NSMCE1: variants seen among roughly 807,000 people sequenced by gnomAD.
NSMCE1 encodes non-structural maintenance of chromosomes element 1 homolog.
NSMCE1 carries 18 observed loss-of-function variants against 29.6 expected under a neutral mutation model. The observed-to-expected ratio is 0.61, with a 90% CI of 0.42 to 0.90. The LOEUF (loss-of-function observed/expected upper bound fraction) is 0.90, where lower values mean the gene tolerates loss of function less well. Ranked by LOEUF, NSMCE1 falls within the 40% of genes least tolerant of loss-of-function variation. The pLI, the probability that NSMCE1 is intolerant of heterozygous loss-of-function variation, is 0.00. For synonymous variants in NSMCE1, 124 were observed against 133.4 expected (o/e 0.93, Z 0.49); for missense variants, 314 against 343.6 (o/e 0.91, Z 0.68).
In NSMCE1 at chr16:27,251,187, TATAA is replaced by T. The variant is rs1555477397; in HGVS notation, c.136+6244_136+6247del. Reference sequence around the variant, plus strand: ...ATATATATATATATATATATATATATATAAATATATATATATATATAAAACTCTG... The same window carrying T: ...ATATATATATATATATATATATATATATATATATATATATATAAAACTCTG... On this transcript the variant is annotated intron_variant, in intron 2 of 7. Coordinates refer to ENST00000361439, the MANE Select transcript of NSMCE1 (RefSeq NM_145080.4). Among the ~76,000 whole-genome samples, 175 of 52,754 alleles carry T rather than the reference TATAA, an allele frequency of 3.3e-3. 1 individual carries two copies. Among genetic ancestry groups the T allele is most frequent in the Admixed American group, 0.017 (112 of 6,480 alleles). 34.6% of individuals were successfully genotyped at this position (52,754 alleles called of 152,430 possible).
At chr16:27,236,565 G>C (rs1170923563) in intron 2 of NSMCE1, among the ~76,000 whole-genome samples, 1 of 152,188 alleles carries the variant, frequency 6.6e-6, no homozygotes, top group African/African-American at 2.4e-5. Flanking sequence ...CCAAAGTGCT[G>C]GGATTATAGG....
chr16:27,257,549 T>G lies in NSMCE1; in HGVS notation c.22A>C (p.Met8Leu). The change falls in exon 2 of 8, where the codon ATG becomes CTG. Residue 8 changes from methionine (M) to leucine (L), a missense_variant. By Grantham distance (15) the Met-to-Leu change is conservative. Coordinates refer to ENST00000361439, the MANE Select transcript of NSMCE1 (RefSeq NM_145080.4). MQGSTRR[M>L]GVMTDVHRRF... Reference sequence around the variant, plus strand: ...CGGTGGACATCAGTCATGACGCCCATTCTCCTTGTGCTGCCCTGCATGTGG... The same window carrying G: ...CGGTGGACATCAGTCATGACGCCCAGTCTCCTTGTGCTGCCCTGCATGTGG... 6.2e-7 allele frequency: 1 copy of G among 1,613,582 alleles called. No individual in the cohort carries two copies. The highest frequency in any genetic ancestry group is 8.5e-7 in the Non-Finnish European group (1 of 1,179,742).
Position 27,225,807 on chromosome 16 carries a change from G to A in NSMCE1, c.640C>T (p.Pro214Ser). Residue 214 changes from proline (P) to serine (S), a missense_variant, in exon 7 of 8, where the codon CCC becomes TCC. Transcript: ENST00000361439. ...GACTGGAAGTACTTGGCCACGCAGG[G>A]TAAGTGCATCCTGATCCCACAGGTT... ...CETCGIRMHL[P>S]CVAKYFQSNA... is the part of the protein sequence containing the mutation. The A allele has an allele frequency of 1.9e-6, 3 of 1,614,134 alleles. No homozygotes were observed. The highest frequency in any genetic ancestry group is 2.2e-5 in the East Asian group (1 of 44,884).
rs531865205 is a variant in NSMCE1, at chr16:27,250,725, G to A, written c.136+6710C>T. On this transcript the variant is annotated intron_variant, in intron 2 of 7. Coordinates refer to ENST00000361439, the MANE Select transcript of NSMCE1 (RefSeq NM_145080.4). ...GGAGAACTGCTTAAACCCAGGAGGC[G>A]GAGGTTGTAGCGAGCTGAGATGGCA... 1.2e-4 allele frequency among the ~76,000 whole-genome samples: 18 copies of A among 151,690 alleles called. No homozygotes were observed. The East Asian group carries it at 2.7e-3, about 23-fold the overall frequency.
At chr16:27,254,163 A>C (rs1375777260) in intron 2 of NSMCE1, among the ~76,000 whole-genome samples, 1 of 152,228 alleles carries the variant, frequency 6.6e-6, no homozygotes, top group East Asian at 1.9e-4. Context: ...GGGTCTTGCG[A>C]GTATTCACTT....
intron 1 of NSMCE1, among the ~76,000 whole-genome samples, chr16:27,264,905 T>C (rs1368598928): frequency 6.6e-6 from 1 of 152,088 alleles, no homozygotes; most frequent in Admixed American, 6.5e-5. Flanking sequence ...ATTCAGACTA[T>C]ATAAGGAATT....
intron 2 of NSMCE1, among the ~76,000 whole-genome samples, chr16:27,252,545 G>A (rs1268731629): frequency 1.3e-5 from 2 of 152,084 alleles, no homozygotes; most frequent in Non-Finnish European, 2.9e-5. Context: ...CATTTTGGAA[G>A]GCTGACGCAG....
At chr16:27,267,473 CCATA>C (rs909525376) in intron 1 of NSMCE1, among the ~76,000 whole-genome samples, 2 of 152,028 alleles carry the variant, frequency 1.3e-5, no homozygotes, top group African/African-American at 4.8e-5. Flanking sequence ...ATAGACGTGA[CCATA>C]CAACAGCACA....
intron 2 of NSMCE1, among the ~76,000 whole-genome samples, chr16:27,253,633 A>G (rs2084056626): frequency 1.3e-5 from 2 of 152,182 alleles, no homozygotes; most frequent in South Asian, 4.1e-4. Context: ...ACTTCTATCA[A>G]GGAGGCCTAT....
chr16:27,226,360 T>C (rs1031872564), intron 6 of NSMCE1: 1 of 253,122 alleles, frequency 4.0e-6, no homozygotes, highest in Non-Finnish European at 7.6e-6. Flanking sequence ...TGCAAAGCCC[T>C]GCAAACCAGT....
In NSMCE1 at chr16:27,233,132, C is replaced by T. The variant is rs1264847304; in HGVS notation, c.352G>A (p.Asp118Asn). ...LFRKALELII[D>N]SETGFASSTN... is the part of the protein sequence containing the mutation. The stretch of plus-strand genomic sequence containing the variant: ...GAAGACGCAAAGCCGGTTTCTGAGT[C>T]AATAATCAGTTCCAGCTGGAAGAAA... The change falls in exon 5 of 8, where the codon GAC (aspartate) becomes AAC (asparagine). Residue 118 changes from aspartate (D) to asparagine (N), a missense_variant. Asp to Asn is a conservative substitution (Grantham distance 23). Coordinates refer to ENST00000361439, the MANE Select transcript of NSMCE1 (RefSeq NM_145080.4). 2.5e-6 allele frequency: 4 copies of T among 1,613,418 alleles called. No individual in the cohort carries two copies. The highest frequency in any genetic ancestry group is 2.5e-6 in the Non-Finnish European group (3 of 1,179,884).
At chr16:27,265,268 A>G (rs1033878003) in intron 1 of NSMCE1, among the ~76,000 whole-genome samples, 1 of 146,920 alleles carries the variant, frequency 6.8e-6, no homozygotes, top group African/African-American at 2.5e-5. Context: ...TGTGGGCTCA[A>G]TCGATCCTCT....
chr16:27,248,406 C>CTTTTTTTTTTTT (rs756697569), intron 2 of NSMCE1, among the ~76,000 whole-genome samples: 1 of 84,770 alleles, frequency 1.2e-5, no homozygotes, highest in African/African-American at 4.8e-5. Flanking sequence ...TTTTAGTTTG[C>CTTTTTTTTTTTT]TTTTTTTTTT....
rs200523800 is a variant in NSMCE1 at position 27,250,843 on chromosome 16, G to GTTTT, written c.136+6588_136+6591dup. Among the ~76,000 whole-genome samples, 269 of 122,838 alleles carry GTTTT rather than the reference G, an allele frequency of 2.2e-3. 4 individuals are homozygous for GTTTT. Among genetic ancestry groups the GTTTT allele is most frequent in the African/African-American group, 7.7e-3 (253 of 32,922 alleles). 80.6% of individuals were successfully genotyped at this position (122,838 alleles called of 152,430 possible). ...AAATGAAATTTATTTAATTTTAACTGTTTTTTTTTTTTTTTTGAGATGGAG... is the reference window on the plus strand; with the variant it reads ...AAATGAAATTTATTTAATTTTAACTGTTTTTTTTTTTTTTTTTTTTGAGATGGAG... On this transcript the variant is annotated intron_variant, in intron 2 of 7. Coordinates refer to ENST00000361439, the MANE Select transcript of NSMCE1 (RefSeq NM_145080.4).
intron 5 of NSMCE1, among the ~76,000 whole-genome samples, chr16:27,228,064 C>T (rs1488883645): frequency 2.6e-5 from 4 of 152,100 alleles, no homozygotes; most frequent in Non-Finnish European, 4.4e-5. Flanking sequence ...GGATTGCAGG[C>T]GTGAGTCACC....
intron 7 of NSMCE1, 97 bp downstream of exon 7, chr16:27,225,629 G>A: frequency 1.4e-6 from 2 of 1,442,512 alleles, no homozygotes; most frequent in South Asian, 1.3e-5. Context: ...ACACACCCTG[G>A]AGCCCTTCAG....
intron 2 of NSMCE1, among the ~76,000 whole-genome samples, chr16:27,255,860 A>G (rs1228630944): frequency 6.6e-6 from 1 of 152,224 alleles, no homozygotes; most frequent in African/African-American, 2.4e-5. Flanking sequence ...GTGTCCCTTC[A>G]CATTTTGAAA....
At chr16:27,257,218 T>C (rs1218581437) in intron 2 of NSMCE1, 7 of 423,686 alleles carry the variant, frequency 1.7e-5, no homozygotes, top group Non-Finnish European at 2.5e-5. Context: ...CTTTAGACTC[T>C]AAGTTTTTAT....
At chr16:27,235,041 T>C in intron 3 of NSMCE1, 137 bp downstream of exon 3, 1 of 747,154 alleles carries the variant, frequency 1.3e-6, no homozygotes, top group Non-Finnish European at 2.1e-6. Context: ...CCTTTATTCC[T>C]AATATTCTAT....
Sources: allele counts gnomAD v4.1 joint callset (sites outside exome capture counted in the v4.1 genomes callset), GRCh38; gene constraint gnomAD v4.1.1; transcripts MANE v1.5; gene names NCBI Gene and HGNC (gene_info 2026-07-23, HGNC 2026-07-21).